SLC20A2: variants seen among roughly 807,000 people sequenced by gnomAD.
The protein encoded by SLC20A2 is sodium-dependent phosphate transporter 2.
A neutral mutation model predicts 61.0 loss-of-function variants in SLC20A2; 30 were observed. That is an observed-to-expected ratio of 0.49 (90% CI 0.37 to 0.67). The LOEUF is 0.67. Ranked by LOEUF, SLC20A2 falls within the 30% of genes least tolerant of loss-of-function variation. The pLI, the probability that SLC20A2 is intolerant of heterozygous loss-of-function variation, is 0.00. For missense variants in SLC20A2, 626 were observed against 866.4 expected, an observed-to-expected ratio of 0.72 and a Z score of 3.48; for synonymous variants, 351 against 353.3, an observed-to-expected ratio of 0.99 and a Z score of 0.07.
chr8:42,450,213 A>G (rs1407630168), intron 5 of SLC20A2, among the ~76,000 whole-genome samples: 1 of 151,526 alleles, frequency 6.6e-6, no homozygotes, highest in South Asian at 2.1e-4. Context: ...CATGGTACCA[A>G]GTATTTTTTT....
upstream of SLC20A2, among the ~76,000 whole-genome samples, chr8:42,505,645 G>T (rs966016009): frequency 6.6e-6 from 1 of 152,094 alleles, no homozygotes; most frequent in Non-Finnish European, 1.5e-5. Flanking sequence ...CTGGTTATTT[G>T]ATCCAACTAT....
chr8:42,459,927 A>G lies in SLC20A2; in HGVS notation c.582T>C (p.Asn194=), dbSNP rs781300165. 3 of 1,613,532 alleles carry G rather than the reference A, an allele frequency of 1.9e-6. No homozygotes were observed. Among genetic ancestry groups the G allele is most frequent in the East Asian group, 2.2e-5 (1 of 44,878 alleles). Reference sequence around the variant, plus strand: ...CTCCTGTGTACATGATGGAAAAGACATTGATTGCTATGGTAGCAGCATAGA... The same window carrying G: ...CTCCTGTGTACATGATGGAAAAGACGTTGATTGCTATGGTAGCAGCATAGA... ...PVFYAATIAI[N]VFSIMYTGAP... Residue 194 remains asparagine (N), a synonymous_variant, in exon 5 of 11, where the codon AAT becomes AAC. Transcript: ENST00000520262.
intron 1 of SLC20A2, among the ~76,000 whole-genome samples, chr8:42,493,793 C>T (rs6988483): frequency 0.49 from 73,873 of 151,706 alleles, 17,976 homozygotes; most frequent in Middle Eastern, 0.59. Context: ...GTGGGTGTCT[C>T]TCCAAAAGCC....
At chr8:42,520,594 C>T (rs1811584586) in intron 1 of SLC20A2, among the ~76,000 whole-genome samples, 2 of 115,242 alleles carry the variant, frequency 1.7e-5, no homozygotes, top group South Asian at 6.6e-4. Flanking sequence ...GGCGTGGTGG[C>T]GGGTGCCTGT....
intron 1 of SLC20A2, among the ~76,000 whole-genome samples, chr8:42,532,726 G>T (rs532753727): frequency 6.6e-6 from 1 of 152,180 alleles, no homozygotes; most frequent in Admixed American, 6.5e-5. Context: ...ATGTGGAGAC[G>T]AGAAGGAACC....
Position 42,463,029 on chromosome 8 carries a change from G to A in SLC20A2, c.492C>T (p.Leu164=), listed in dbSNP as rs774884857. ...SGFMSGLLFV[L]IRIFILKKED... is the part of the protein sequence containing the mutation. ...CCTTTTTTAAGATGAAAATTCTGAT[G>A]AGTACAAACAGCAGGCCAGACATGA... Residue 164 remains leucine (L), a synonymous_variant, in exon 4 of 11, where the codon CTC becomes CTT. Transcript: ENST00000520262. 3 of 1,596,800 alleles carry A rather than the reference G, an allele frequency of 1.9e-6. No individual in the cohort carries two copies. Among genetic ancestry groups the A allele is most frequent in the Non-Finnish European group, 2.6e-6 (3 of 1,172,984 alleles).
intron 5 of SLC20A2, among the ~76,000 whole-genome samples, chr8:42,454,440 C>T (rs1008593553): frequency 6.6e-6 from 1 of 152,064 alleles, no homozygotes; most frequent in African/African-American, 2.4e-5. Context: ...TAGTGTCCCT[C>T]GAACGGAGAT....
intron 1 of SLC20A2, among the ~76,000 whole-genome samples, chr8:42,473,772 C>T (rs1387240883): frequency 6.6e-6 from 1 of 152,104 alleles, no homozygotes; most frequent in Non-Finnish European, 1.5e-5. Flanking sequence ...TGAATAAATA[C>T]CACACCATAT....
intron 1 of SLC20A2, among the ~76,000 whole-genome samples, chr8:42,474,412 G>A (rs1330475332): frequency 6.6e-6 from 1 of 152,052 alleles, no homozygotes; most frequent in Non-Finnish European, 1.5e-5. Flanking sequence ...ATTGATAGTT[G>A]TTATCATTTC....
At chr8:42,509,413 G>A (rs1810904990) in intron 1 of SLC20A2, among the ~76,000 whole-genome samples, 1 of 151,934 alleles carries the variant, frequency 6.6e-6, no homozygotes, top group South Asian at 2.1e-4. Flanking sequence ...TTCTCTTGGG[G>A]GCAATAATTC....
At chr8:42,520,195 G>C (rs953395923) in intron 1 of SLC20A2, among the ~76,000 whole-genome samples, 2 of 150,318 alleles carry the variant, frequency 1.3e-5, no homozygotes, top group Non-Finnish European at 3.0e-5. Context: ...TGTATTTTTA[G>C]TAGAAACGGG....
chr8:42,531,591 A>G (rs897313800), intron 1 of SLC20A2, among the ~76,000 whole-genome samples: 1 of 152,198 alleles, frequency 6.6e-6, no homozygotes, highest in Non-Finnish European at 1.5e-5. Context: ...ACAGCATAAT[A>G]CAAAGTTTTG....
chr8:42,531,144 G>A (rs1332992475), intron 1 of SLC20A2, among the ~76,000 whole-genome samples: 1 of 152,216 alleles, frequency 6.6e-6, no homozygotes, highest in African/African-American at 2.4e-5. Flanking sequence ...CCTCCAGAGA[G>A]AAAGGACCAT....
At chr8:42,485,594 A>ATTGCGCTGCTG in intron 1 of SLC20A2, among the ~76,000 whole-genome samples, 1 of 137,054 alleles carries the variant, frequency 7.3e-6, no homozygotes, top group Non-Finnish European at 1.5e-5. Context: ...GTGAGCCGAG[A>ATTGCGCTGCTG]CCGTGTTATT....
At position 42,487,028 on chromosome 8, in the gene SLC20A2, G is replaced by A. The variant is rs546426910; in HGVS notation, c.-265+14003C>T. 7.2e-4 allele frequency among the ~76,000 whole-genome samples: 110 copies of A among 151,860 alleles called. 1 individual carries two copies. In the South Asian group the frequency reaches 0.018, roughly 25 times the overall value. On this transcript the variant is annotated intron_variant, in intron 1 of 10. Transcript: ENST00000520262. ...ATTACAGACATGTGCCACAACGCCC[G>A]GCTAATTTTTGTATTTTTTAGAAGC...
At chr8:42,533,654 C>CTTTTTTTCTTTTTTTTTTTTTTT (rs1253260874) in intron 1 of SLC20A2, among the ~76,000 whole-genome samples, 569 of 55,272 alleles carry the variant, frequency 0.01, 107 homozygotes, top group African/African-American at 0.018. Context: ...ATCAACTGTT[C>CTTTTTTTCTTTTTTTTTTTTTTT]TTTTTTTTTT....
Position 42,439,625 on chromosome 8 carries a change from T to C in SLC20A2, c.759A>G (p.Ser253=). 1 of 1,614,170 alleles carries C rather than the reference T, an allele frequency of 6.2e-7. No homozygotes were observed. The highest frequency in any genetic ancestry group is 8.5e-7 in the Non-Finnish European group (1 of 1,179,986). Residue 253 remains serine (S), a synonymous_variant, in exon 7 of 11, where the codon TCA becomes TCG. Coordinates refer to ENST00000520262, the MANE Select transcript of SLC20A2 (RefSeq NM_001257180.2). ...TACTGAGGCTTTCGTCAGATACTCG[T>C]GATAAAGCACCTTCTTTTTGTAATT... is the stretch of plus-strand genomic sequence containing the variant. ...TGKLQKEGAL[S]RVSDESLSKV...
Position 42,437,214 on chromosome 8 carries a change from T to G in SLC20A2, c.1298A>C (p.Tyr433Ser). Residue 433 changes from tyrosine (Y) to serine (S), a missense_variant, in exon 8 of 11, where the codon TAC becomes TCC. Coordinates refer to ENST00000520262, the MANE Select transcript of SLC20A2 (RefSeq NM_001257180.2). The surrounding 1 kb of genome is among the most constrained non-coding windows in gnomAD (Gnocchi z 6.4). ...TGCCACCGCGTTACAGTAGCTCGAG[T>G]AGCTGTCGTAGCGCAGCCTCTTCTT... The part of the protein sequence containing the change: ...YSKKRLRYDS[Y>S]SSYCNAVAEA... The G allele has an allele frequency of 6.2e-7, 1 of 1,613,668 alleles. No individual in the cohort carries two copies.
chr8:42,486,140 C>G (rs897925990), intron 1 of SLC20A2, among the ~76,000 whole-genome samples: 14 of 149,028 alleles, frequency 9.4e-5, no homozygotes, highest in Middle Eastern at 3.4e-3. Context: ...AGCTCTCTCA[C>G]TGTGTGTGTG....
Sources: allele counts gnomAD v4.1 joint callset (sites outside exome capture counted in the v4.1 genomes callset), GRCh38; gene constraint gnomAD v4.1.1; non-coding constraint Gnocchi (gnomAD v3.1); transcripts MANE v1.5; gene names NCBI Gene and HGNC (gene_info 2026-07-23, HGNC 2026-07-21).